PLA2G5: variants seen among roughly 807,000 people sequenced by gnomAD.
PLA2G5 encodes Ca2+-dependent phospholipase A2.
PLA2G5 carries 12 observed loss-of-function variants against 15.9 expected under a neutral mutation model. The ratio of observed to expected loss-of-function variants is 0.76; its 90% CI spans 0.48 to 1.23. The LOEUF is 1.23. Among genes scored for constraint, PLA2G5 ranks in the 50% most tolerant of loss-of-function variants. The probability of loss-of-function intolerance (pLI) is 0.00; values close to 1 mark genes in which losing one functional copy is unlikely to be tolerated. For missense variants in PLA2G5, 169 were observed against 177.1 expected (o/e 0.95, Z 0.26); for synonymous variants, 71 against 71.4 (o/e 0.99, Z 0.03).
At chr1:20,043,835 G>T (rs1187297126) in intron 1 of PLA2G5, among the ~76,000 whole-genome samples, 2 of 152,120 alleles carry the variant, frequency 1.3e-5, no homozygotes, top group Admixed American at 1.3e-4. Flanking sequence ...GGAGAGGGTA[G>T]CCCCCATATC....
At chr1:20,036,755 T>G (rs1453904776) in intron 1 of PLA2G5, among the ~76,000 whole-genome samples, 1 of 152,214 alleles carries the variant, frequency 6.6e-6, no homozygotes, top group Non-Finnish European at 1.5e-5. Context: ...AACCTCTGCC[T>G]CCTGGGTTCA....
At chr1:20,045,230 G>T (rs764185485) in intron 1 of PLA2G5, among the ~76,000 whole-genome samples, 19 of 152,140 alleles carry the variant, frequency 1.2e-4, no homozygotes, top group Non-Finnish European at 2.4e-4. Context: ...AGGGTGGAAA[G>T]TTGCCCATAG....
chr1:20,090,043 A>C, intron 4 of PLA2G5, 148 bp downstream of exon 4: 1 of 626,948 alleles, frequency 1.6e-6, no homozygotes, highest in Non-Finnish European at 2.8e-6. Flanking sequence ...TTGCAGCTGT[A>C]TCAGACCCCC....
intron 4 of PLA2G5, 149 bp downstream of exon 4, chr1:20,090,044 T>G: frequency 1.6e-6 from 1 of 626,770 alleles, no homozygotes; most frequent in Non-Finnish European, 2.8e-6. Flanking sequence ...TGCAGCTGTA[T>G]CAGACCCCCA....
At chr1:20,053,576 G>GT (rs1209321192) in intron 1 of PLA2G5, among the ~76,000 whole-genome samples, 6 of 142,816 alleles carry the variant, frequency 4.2e-5, no homozygotes, top group Middle Eastern at 3.6e-3. Context: ...TTTGCGGGGG[G>GT]GGGGGTGATA....
rs148986228 is a variant in PLA2G5, at chr1:20,084,356, C to T, written c.-10-465C>T. On this transcript the variant is annotated intron_variant, in intron 1 of 4. Coordinates refer to ENST00000375108, the MANE Select transcript of PLA2G5 (RefSeq NM_000929.3). ...AAAAGGAGTATGAGATGTAGAATCACCGGCTTTCCTTCTGCCCTCCTGCTG... is the reference window on the plus strand; with the variant it reads ...AAAAGGAGTATGAGATGTAGAATCATCGGCTTTCCTTCTGCCCTCCTGCTG... 5.0e-3 allele frequency among the ~76,000 whole-genome samples: 766 copies of T among 152,338 alleles called. 8 individuals carry two copies. The highest frequency in any genetic ancestry group is 0.016 in the African/African-American group (671 of 41,578).
At chr1:20,087,865 A>C (rs1039754169) in intron 3 of PLA2G5, among the ~76,000 whole-genome samples, 3 of 152,236 alleles carry the variant, frequency 2.0e-5, no homozygotes, top group Non-Finnish European at 2.9e-5. Flanking sequence ...GCTGACTGAA[A>C]GAGCCCCCAG....
At chr1:20,074,889 A>C (rs1468033863) in intron 1 of PLA2G5, among the ~76,000 whole-genome samples, 7 of 152,154 alleles carry the variant, frequency 4.6e-5, no homozygotes, top group Admixed American at 4.6e-4. Flanking sequence ...ACCCCCAGCC[A>C]CTTTCCAAAC....
chr1:20,054,557 T>A lies in PLA2G5; in HGVS notation n.277-5075T>A, dbSNP rs1370315968. ...AAAGAGATGGAGATCATTTTTCTTT[T>A]TTTTTTCAAAATATGTTTAATGTTT... On this transcript the variant is annotated intron_variant and non_coding_transcript_variant, in intron 1 of 6. Coordinates refer to the PLA2G5 transcript ENST00000460175. Among the ~76,000 whole-genome samples, 11 of 152,200 alleles carry A rather than the reference T, an allele frequency of 7.2e-5. 1 individual carries two copies.
chr1:20,083,405 T>C lies in PLA2G5; in HGVS notation c.-10-1416T>C, dbSNP rs141455109. Among the ~76,000 whole-genome samples, 141 of 151,894 alleles carry C rather than the reference T, an allele frequency of 9.3e-4. 3 individuals are homozygous for C. The East Asian group carries it at 0.025, about 27-fold the overall frequency. The stretch of plus-strand genomic sequence containing the variant: ...GAGGCGCCAGGGGTTCAGGTAGAGC[T>C]CTGGCACAAGCGACCGTTCAACTCA... On this transcript the variant is annotated intron_variant, in intron 1 of 4. Transcript: ENST00000375108.
At chr1:20,033,949 G>A (rs1250082610) in intron 1 of PLA2G5, among the ~76,000 whole-genome samples, 3 of 151,990 alleles carry the variant, frequency 2.0e-5, no homozygotes, top group African/African-American at 7.3e-5. Context: ...AGGAGAGGAA[G>A]CCCTTCTTTA....
chr1:20,070,025 C>A (rs1407860385), upstream of PLA2G5, among the ~76,000 whole-genome samples: 1 of 152,136 alleles, frequency 6.6e-6, no homozygotes, highest in Non-Finnish European at 1.5e-5. Flanking sequence ...GGGGTTACTT[C>A]GGGCTGAGGG....
rs1338839680 is a variant in PLA2G5, at chr1:20,060,597, T to C, written n.337+905T>C. 2.6e-5 allele frequency among the ~76,000 whole-genome samples: 4 copies of C among 151,240 alleles called. No individual in the cohort carries two copies. In the East Asian group the frequency reaches 5.9e-4, roughly 22 times the overall value. ...AAAGACATTAGATTGCAGTGGTCAG[T>C]TTAGGCTAGATGTAAAGAGCACCTC... On this transcript the variant is annotated intron_variant and non_coding_transcript_variant, in intron 2 of 6. Transcript: ENST00000460175.
chr1:20,033,269 G>A (rs2013064444), intron 1 of PLA2G5, among the ~76,000 whole-genome samples: 2 of 152,206 alleles, frequency 1.3e-5, no homozygotes, highest in Admixed American at 1.3e-4. Context: ...AACCACGTAG[G>A]TGTTCCCTGC....
intron 2 of PLA2G5, among the ~76,000 whole-genome samples, chr1:20,064,199 G>C (rs1453907078): frequency 3.3e-5 from 5 of 152,174 alleles, no homozygotes; most frequent in Non-Finnish European, 5.9e-5. Flanking sequence ...AGTGGAAACA[G>C]ACCTTTCAAG....
chr1:20,037,457 T>C (rs1216834478), intron 1 of PLA2G5, among the ~76,000 whole-genome samples: 1 of 152,192 alleles, frequency 6.6e-6, no homozygotes, highest in African/African-American at 2.4e-5. Flanking sequence ...TCAGTGGAGA[T>C]AGCAAGGAAG....
At chr1:20,089,580 G>A (rs2016461769) in intron 3 of PLA2G5, among the ~76,000 whole-genome samples, 2 of 152,190 alleles carry the variant, frequency 1.3e-5, no homozygotes, top group East Asian at 1.9e-4. Context: ...GTCTAGTCGT[G>A]AGACCAGGAG....
In PLA2G5 at chr1:20,089,862, A is replaced by G; in HGVS notation, c.259A>G (p.Lys87Glu). Residue 87 changes from lysine (K) to glutamate (E), a missense_variant, in exon 4 of 5, where the codon AAA becomes GAA. By Grantham distance (56) the Lys-to-Glu change is moderately conservative. Coordinates refer to ENST00000375108, the MANE Select transcript of PLA2G5 (RefSeq NM_000929.3). Reference protein sequence around the residue: ...KGCNIRTQSYKYRFAWGVVTC... With the variant: ...KGCNIRTQSYEYRFAWGVVTC... ...CTGCAACATTCGCACACAGTCCTAC[A>G]AATACAGATTCGCGTGGGGCGTGGT... The G allele has an allele frequency of 6.2e-7, 1 of 1,614,092 alleles. No individual in the cohort carries two copies. Among genetic ancestry groups the G allele is most frequent in the Non-Finnish European group, 8.5e-7 (1 of 1,179,950 alleles).
chr1:20,059,830 A>T (rs191033869), intron 2 of PLA2G5: 1 of 152,144 alleles, frequency 6.6e-6, no homozygotes, highest in Non-Finnish European at 1.5e-5. Flanking sequence ...CAGAGGTGTG[A>T]CTCTGGGGAT....
Sources: allele counts gnomAD v4.1 joint callset (sites outside exome capture counted in the v4.1 genomes callset), GRCh38; gene constraint gnomAD v4.1.1; transcripts MANE v1.5; gene names NCBI Gene and HGNC (gene_info 2026-07-23, HGNC 2026-07-21).